Variants in SLF2 observed in about 807,000 individuals in gnomAD.
SLF2 encodes SMC5-SMC6 complex localization factor protein 2.
In SLF2, 68 loss-of-function variants were observed where a neutral mutation model predicts 124.3. The ratio of observed to expected loss-of-function variants is 0.55; its 90% confidence interval spans 0.45 to 0.67. The LOEUF (loss-of-function observed/expected upper bound fraction) is 0.67. SLF2 is among the 30% of genes least tolerant of loss of function. The probability of loss-of-function intolerance (pLI) is 0.00; values close to 1 mark genes in which losing one functional copy is unlikely to be tolerated. For synonymous variants in SLF2, 480 were observed against 478.8 expected (o/e 1.00, Z -0.03); for missense variants, 1,246 against 1,373.7 (o/e 0.91, Z 1.47).
In SLF2 at chr10:100,950,188, A is replaced by T; in HGVS notation, c.3233A>T (p.His1078Leu). Residue 1078 changes from histidine (H) to leucine (L), a missense_variant, in exon 16 of 20, where the codon CAT becomes CTT. Transcript: ENST00000238961. The stretch of plus-strand genomic sequence containing the variant: ...GATGGCATTATTGATGACAGTCTTC[A>T]TTTAGAACTTGAAAAGCAGGTATCC... ...QPDGIIDDSL[H>L]LELEKQAYYL... 1 of 1,613,562 alleles carries T rather than the reference A, an allele frequency of 6.2e-7. No individual in the cohort carries two copies. Among genetic ancestry groups the T allele is most frequent in the Non-Finnish European group, 8.5e-7 (1 of 1,179,792 alleles).
chr10:100,925,475 A>C (rs1849596780), intron 5 of SLF2, among the ~76,000 whole-genome samples: 1 of 152,148 alleles, frequency 6.6e-6, no homozygotes, highest in African/African-American at 2.4e-5. Flanking sequence ...CACATCTGTA[A>C]ATGAAGGTAG....
rs371734257 is a variant in SLF2 at position 100,964,078 on chromosome 10, A to G, written c.*2166A>G. ...GAAAACTTTGTGACTCTCTTTTAGC[A>G]CAAGTAGCCCATGGTTTTTCTTCCA... On this transcript the variant is annotated 3_prime_UTR_variant, in exon 20 of 20. Transcript: ENST00000238961. The G allele has an allele frequency of 1.2e-4, 19 of 152,726 alleles. No homozygotes were observed. Among genetic ancestry groups the G allele is most frequent in the African/African-American group, 4.1e-4 (17 of 41,562 alleles). 9.5% of individuals were successfully genotyped at this position (152,726 alleles called of 1,614,324 possible).
chr10:100,938,658 T>A lies in SLF2; in HGVS notation c.2576T>A (p.Phe859Tyr), dbSNP rs1230584874. The change falls in exon 11 of 20, where the codon TTT becomes TAT. Residue 859 changes from phenylalanine (F) to tyrosine (Y), a missense_variant. By Grantham distance (22) the Phe-to-Tyr change is conservative (BLOSUM62 3). Coordinates refer to ENST00000238961, the MANE Select transcript of SLF2 (RefSeq NM_018121.4). ...IPSLSDVAAV[F>Y]FNMGIDFRSL... ...TCATTGTCTGATGTAGCAGCTGTGTTTTTCAATATGGGGATTGATTTTAGA... is the reference window on the plus strand; with the variant it reads ...TCATTGTCTGATGTAGCAGCTGTGTATTTCAATATGGGGATTGATTTTAGA... The A allele has an allele frequency of 6.2e-7, 1 of 1,613,786 alleles. No individual in the cohort carries two copies. The highest frequency in any genetic ancestry group is 8.5e-7 in the Non-Finnish European group (1 of 1,179,906).
chr10:100,917,186 C>T lies in SLF2; in HGVS notation c.801C>T (p.Phe267=). The change falls in exon 3 of 20, where the codon TTC becomes TTT. Residue 267 remains phenylalanine (F), a synonymous_variant. Transcript: ENST00000238961. ...AGAGAATCAACTCCGAGAATTCTTT[C>T]TCAGAAGCAAGCAGTCTTTCCTTAA... ...MEQRINSENS[F]SEASSLSLKS... 2 of 1,613,904 alleles carry T rather than the reference C, an allele frequency of 1.2e-6. No individual in the cohort carries two copies. The highest frequency in any genetic ancestry group is 4.5e-5 in the East Asian group (2 of 44,874).
chr10:100,945,873 T>A (rs1432837747), intron 13 of SLF2, among the ~76,000 whole-genome samples: 2 of 152,150 alleles, frequency 1.3e-5, no homozygotes, highest in South Asian at 4.1e-4. Flanking sequence ...AGGTAGTAGT[T>A]AAGTACTACA....
At position 100,924,144 on chromosome 10, in the gene SLF2, G is replaced by A. The variant is rs1039468845; in HGVS notation, c.1143G>A (p.Lys381=). 7 of 1,613,666 alleles carry A rather than the reference G, an allele frequency of 4.3e-6. No homozygotes were observed. The highest frequency in any genetic ancestry group is 3.3e-4 in the Middle Eastern group (2 of 6,060). ...KEKFIKHIAL[K]TPGDVLRLED... is the part of the protein sequence containing the mutation. Reference sequence around the variant, plus strand: ...AATTTATAAAACATATTGCACTGAAGACACCTGGTGATGTGTTGCGCTTAG... The same window carrying A: ...AATTTATAAAACATATTGCACTGAAAACACCTGGTGATGTGTTGCGCTTAG... Residue 381 remains lysine, a synonymous_variant, in exon 5 of 20, where the codon AAG becomes AAA. Coordinates refer to ENST00000238961, the MANE Select transcript of SLF2 (RefSeq NM_018121.4).
intron 10 of SLF2, 88 bp downstream of exon 10, chr10:100,937,565 T>C (rs1849888939): frequency 3.4e-6 from 3 of 872,020 alleles, no homozygotes; most frequent in Non-Finnish European, 3.8e-6. Flanking sequence ...TGTTAGTATA[T>C]TTGGAAATAT....
chr10:100,947,821 G>C lies in SLF2; in HGVS notation c.3094G>C (p.Asp1032His). ...AAAGCTTTTGGATGAGAAACACGAA[G>C]ATGTTCCTAATGCCAGTAATCTGCA... ...ISKLLDEKHEDVPNASNLQVS... is the reference protein window; with the variant it reads ...ISKLLDEKHEHVPNASNLQVS... The change falls in exon 15 of 20, where the codon GAT becomes CAT. Residue 1032 changes from aspartate to histidine, a missense_variant. This residue lies in a region of SLF2 where 535 missense variants were observed against 632.8 expected (regional missense o/e 0.85). Transcript: ENST00000238961. 2 of 1,611,984 alleles carry C rather than the reference G, an allele frequency of 1.2e-6. No homozygotes were observed. The highest frequency in any genetic ancestry group is 1.7e-6 in the Non-Finnish European group (2 of 1,178,952).
chr10:100,926,203 T>C, intron 6 of SLF2, 184 bp downstream of exon 6: 1 of 1,548,038 alleles, frequency 6.5e-7, no homozygotes, highest in South Asian at 1.2e-5. Flanking sequence ...TCACAACACT[T>C]TGGGAGACCC....
intron 2 of SLF2, 25 bp from the exon 3 acceptor site, chr10:100,916,545 G>T (rs1849416910): frequency 1.5e-6 from 2 of 1,313,958 alleles, no homozygotes; most frequent in Non-Finnish European, 2.0e-6. Context: ...CATGCAATTT[G>T]TATGTGTTTT....
At chr10:100,915,849 G>A (rs556717221) in intron 1 of SLF2, 150 bp from the exon 2 acceptor site, 2 of 627,506 alleles carry the variant, frequency 3.2e-6, no homozygotes, top group South Asian at 4.1e-5. Flanking sequence ...TTAATGAACA[G>A]TTTAGCAAAG....
At position 100,938,722 on chromosome 10, in the gene SLF2, T is replaced by C; in HGVS notation, c.2640T>C (p.Asn880=). Residue 880 remains asparagine (N), a synonymous_variant, in exon 11 of 20, where the codon AAT becomes AAC. Transcript: ENST00000238961. ...FPLENLQPDF[N]EDYLVSETQT... is the part of the protein sequence containing the mutation. ...TGGAGAATCTTCAGCCAGACTTTAA[T>C]GAAGACTATCTAGTGTAAGTTTTCT... 6.2e-7 allele frequency: 1 copy of C among 1,612,412 alleles called. No individual in the cohort carries two copies. The highest frequency in any genetic ancestry group is 8.5e-7 in the Non-Finnish European group (1 of 1,179,570).
At chr10:100,958,154 T>C (rs1418511940) in intron 18 of SLF2, among the ~76,000 whole-genome samples, 3 of 152,256 alleles carry the variant, frequency 2.0e-5, no homozygotes, top group African/African-American at 7.2e-5. Context: ...AATACAATGC[T>C]GATTCTTTTT....
chr10:100,913,978 C>T (rs1033550349), intron 1 of SLF2: 5 of 728,758 alleles, frequency 6.9e-6, no homozygotes, highest in Non-Finnish European at 8.4e-6. Flanking sequence ...CCCACAATCC[C>T]TTATCTTAAC....
intron 15 of SLF2, among the ~76,000 whole-genome samples, chr10:100,949,270 G>A (rs1850165383): frequency 6.6e-6 from 1 of 152,160 alleles, no homozygotes; most frequent in Admixed American, 6.5e-5. Context: ...TCCGGGGATA[G>A]GATTTCTACC....
At chr10:100,914,185 A>G (rs1353765938) in intron 1 of SLF2, among the ~76,000 whole-genome samples, 1 of 152,230 alleles carries the variant, frequency 6.6e-6, no homozygotes, top group African/African-American at 2.4e-5. Context: ...CCCACTGGGG[A>G]CTTTCCATAA....
rs958485749 is a variant in SLF2, at chr10:100,962,026, A to G, written c.*114A>G. 2.8e-5 allele frequency: 27 copies of G among 960,990 alleles called. No homozygotes were observed. In the African/African-American group the frequency reaches 3.4e-4, roughly 12 times the overall value. The allele number at this position is 960,990 out of a possible 1,614,324, so 59.5% of individuals were successfully genotyped here. A position where few individuals can be genotyped will look rare whatever the true frequency, so the allele number is the denominator to read the frequency against. On this transcript the variant is annotated 3_prime_UTR_variant, in exon 20 of 20. Coordinates refer to ENST00000238961, the MANE Select transcript of SLF2 (RefSeq NM_018121.4). Reference sequence around the variant, plus strand: ...TGAATGCCAAGAAAATGTACAGCAAATGTGCCACTTGAATATCTAGTATGA... The same window carrying G: ...TGAATGCCAAGAAAATGTACAGCAAGTGTGCCACTTGAATATCTAGTATGA...
intron 13 of SLF2, among the ~76,000 whole-genome samples, chr10:100,946,020 A>C (rs1306317717): frequency 6.6e-6 from 1 of 152,218 alleles, no homozygotes; most frequent in Non-Finnish European, 1.5e-5. Context: ...TCATACCTAC[A>C]ACCAGAATTT....
intron 1 of SLF2, 112 bp downstream of exon 1, chr10:100,913,362 T>A (rs1360683152): frequency 1.5e-6 from 2 of 1,372,890 alleles, no homozygotes; most frequent in Non-Finnish European, 1.9e-6. Context: ...GCTCAGGCGT[T>A]GGCATTTCGG....
Sources: allele counts gnomAD v4.1 joint callset (sites outside exome capture counted in the v4.1 genomes callset), GRCh38; gene constraint gnomAD v4.1.1; regional missense constraint gnomAD v4.1.1; transcripts MANE v1.5; gene names NCBI Gene and HGNC (gene_info 2026-07-23, HGNC 2026-07-21).